PID1: variants seen among roughly 807,000 people sequenced by gnomAD.
PID1 encodes PTB-containing, cubilin and LRP1-interacting protein.
A neutral mutation model predicts 19.1 loss-of-function variants in PID1; 10 were observed. The ratio of observed to expected loss-of-function variants is 0.52; its 90% CI spans 0.32 to 0.89. The LOEUF (loss-of-function observed/expected upper bound fraction) is 0.89. Ranked by LOEUF, PID1 falls within the 40% of genes least tolerant of loss-of-function variation. PID1 has a pLI of 0.03. For missense variants in PID1, 248 were observed against 285.3 expected (o/e 0.87, Z 0.94); for synonymous variants, 130 against 116.0 (o/e 1.12, Z -0.78).
intron 2 of PID1, among the ~76,000 whole-genome samples, chr2:229,060,868 TG>T (rs145735601): frequency 0.064 from 9,778 of 152,208 alleles, 1,053 homozygotes; most frequent in African/African-American, 0.22. Flanking sequence ...TGATTAGTGA[TG>T]AGCGATTCTT....
chr2:229,226,792 C>T (rs1053202595), intron 1 of PID1, among the ~76,000 whole-genome samples: 1 of 152,194 alleles, frequency 6.6e-6, no homozygotes, highest in Non-Finnish European at 1.5e-5. Context: ...TGAACCATTT[C>T]ATGACGGAAA....
chr2:229,026,304 T>C (rs1300729834), intron 2 of PID1, among the ~76,000 whole-genome samples, 196 bp from the exon 3 acceptor site: 2 of 152,240 alleles, frequency 1.3e-5, no homozygotes, highest in Non-Finnish European at 2.9e-5. Flanking sequence ...TTGGCAAATG[T>C]ATTGAAATTA....
intron 2 of PID1, among the ~76,000 whole-genome samples, chr2:229,101,349 C>A (rs1187640693): frequency 6.6e-6 from 1 of 152,154 alleles, no homozygotes; most frequent in African/African-American, 2.4e-5. Context: ...TCCCAGCATG[C>A]ATTAGCTCTT....
At chr2:229,148,410 C>T (rs188302813) in intron 2 of PID1, among the ~76,000 whole-genome samples, 29 of 152,300 alleles carry the variant, frequency 1.9e-4, no homozygotes, top group African/African-American at 6.3e-4. Flanking sequence ...GGAGCCATAT[C>T]CACTTTCTCT....
chr2:229,237,275 G>C (rs975872126), intron 1 of PID1, among the ~76,000 whole-genome samples: 28 of 152,156 alleles, frequency 1.8e-4, no homozygotes, highest in African/African-American at 6.5e-4. Context: ...ACACCTGTCA[G>C]TGTTGTAGAA....
intron 1 of PID1, among the ~76,000 whole-genome samples, chr2:229,221,623 C>T (rs773436583): frequency 2.6e-5 from 4 of 152,128 alleles, no homozygotes; most frequent in East Asian, 1.9e-4. Context: ...TTCAGTTTCC[C>T]TAGGCATCCC....
At chr2:229,190,375 C>T (rs1691230491) in intron 1 of PID1, among the ~76,000 whole-genome samples, 1 of 152,164 alleles carries the variant, frequency 6.6e-6, no homozygotes, top group South Asian at 2.1e-4. Flanking sequence ...AGGGGCAGGA[C>T]CCAGTCTGTC....
intron 2 of PID1, among the ~76,000 whole-genome samples, chr2:229,125,764 T>G (rs1041976456): frequency 6.6e-6 from 1 of 152,174 alleles, no homozygotes; most frequent in African/African-American, 2.4e-5. Flanking sequence ...TTTTCATACT[T>G]GATATGAACA....
At chr2:229,134,676 G>A (rs1689823076) in intron 2 of PID1, among the ~76,000 whole-genome samples, 1 of 152,066 alleles carries the variant, frequency 6.6e-6, no homozygotes, top group South Asian at 2.1e-4. Context: ...AACTTCAAGG[G>A]TATCACCTTA....
intron 2 of PID1, among the ~76,000 whole-genome samples, chr2:229,035,991 T>A (rs970994680): frequency 2.0e-5 from 3 of 152,200 alleles, no homozygotes; most frequent in African/African-American, 7.2e-5. Context: ...GACATCATAT[T>A]CCTAAAGAAC....
At chr2:229,171,895 T>C (rs1012444555) in intron 1 of PID1, among the ~76,000 whole-genome samples, 1 of 152,192 alleles carries the variant, frequency 6.6e-6, no homozygotes, top group Non-Finnish European at 1.5e-5. Flanking sequence ...CAATGAGCTC[T>C]GGTCTAAATC....
intron 1 of PID1, among the ~76,000 whole-genome samples, chr2:229,233,258 G>A (rs1378669416): frequency 2.0e-5 from 3 of 152,096 alleles, no homozygotes; most frequent in Admixed American, 6.6e-5. Context: ...AAGCTGGAGA[G>A]GTTTTAGATG....
chr2:229,046,537 AG>A (rs1347402552), intron 2 of PID1, among the ~76,000 whole-genome samples: 6 of 152,102 alleles, frequency 3.9e-5, no homozygotes, highest in African/African-American at 1.2e-4. Context: ...AAAAATCTTA[AG>A]TTCTTTCTTA....
chr2:229,092,479 T>C (rs143571673), intron 2 of PID1, among the ~76,000 whole-genome samples: 1 of 152,344 alleles, frequency 6.6e-6, no homozygotes, highest in East Asian at 1.9e-4. Context: ...ATGGTGCAGC[T>C]GGCCTTCCTT....
At chr2:229,241,151 T>TAAA (rs1189158219) in intron 1 of PID1, among the ~76,000 whole-genome samples, 2 of 152,190 alleles carry the variant, frequency 1.3e-5, no homozygotes, top group Non-Finnish European at 2.9e-5. Context: ...AGTAGCTGTT[T>TAAA]TAAAGCATTT....
At chr2:229,247,662 A>C (rs1574756225) in intron 1 of PID1, among the ~76,000 whole-genome samples, 1 of 152,134 alleles carries the variant, frequency 6.6e-6, no homozygotes, top group Non-Finnish European at 1.5e-5. Context: ...TTTAGAAACT[A>C]CCTACTTTTG....
intron 1 of PID1, among the ~76,000 whole-genome samples, chr2:229,195,638 A>G (rs1417385504): frequency 6.6e-6 from 1 of 151,832 alleles, no homozygotes; most frequent in Middle Eastern, 3.2e-3. Context: ...TATTTTTTTC[A>G]TAACTGCACA....
At chr2:229,072,711 G>A (rs918233868) in intron 2 of PID1, among the ~76,000 whole-genome samples, 5 of 152,090 alleles carry the variant, frequency 3.3e-5, no homozygotes, top group African/African-American at 9.7e-5. Flanking sequence ...GTATTGTTAC[G>A]TATTTGGCAG....
intron 2 of PID1, among the ~76,000 whole-genome samples, chr2:229,028,353 G>GA (rs1339425703): frequency 2.5e-4 from 38 of 152,228 alleles, no homozygotes; most frequent in African/African-American, 8.9e-4. Flanking sequence ...TGTAAATTGA[G>GA]CCATCAGAAA....
Sources: gnomAD v4.1 joint callset for allele counts (sites outside exome capture counted in the v4.1 genomes callset) on GRCh38, gnomAD v4.1.1 for gene constraint, MANE v1.5 for transcripts, NCBI Gene and HGNC (gene_info 2026-07-23, HGNC 2026-07-21) for gene names.